HOATZ: variants seen among roughly 807,000 people sequenced by gnomAD.
The protein encoded by HOATZ is HOATZ cilia and flagella associated protein.
HOATZ carries 26 observed loss-of-function variants against 24.9 expected under a neutral mutation model. That is an observed-to-expected ratio of 1.04 (90% CI 0.76 to 1.45). HOATZ has a LOEUF of 1.45. Among genes scored for constraint, HOATZ ranks in the 40% most tolerant of loss-of-function variants. HOATZ has a pLI of 0.00. For missense variants in HOATZ, 226 were observed against 201.5 expected (o/e 1.12, Z -0.74); for synonymous variants, 83 against 76.6 (o/e 1.08, Z -0.43).
At chr11:111,519,351 T>C (rs907948406) in intron 3 of HOATZ, among the ~76,000 whole-genome samples, 1 of 152,146 alleles carries the variant, frequency 6.6e-6, no homozygotes, top group Non-Finnish European at 1.5e-5. Flanking sequence ...AAAGAGTAAA[T>C]GAAGGCCCTA....
chr11:111,524,048 T>A (rs1427125216), intron 3 of HOATZ, among the ~76,000 whole-genome samples: 1 of 152,214 alleles, frequency 6.6e-6, no homozygotes, highest in Non-Finnish European at 1.5e-5. Flanking sequence ...ATAGGTGATC[T>A]CCTGACATAC....
Position 111,514,861 on chromosome 11 carries a change from T to C in HOATZ, c.77T>C (p.Phe26Ser), listed in dbSNP as rs1192554459. The change falls in exon 1 of 6, where the codon TTT becomes TCT. Residue 26 changes from phenylalanine to serine, a missense_variant. By Grantham distance (155) the Phe-to-Ser change is radical (BLOSUM62 -2). Coordinates refer to ENST00000375618, the MANE Select transcript of HOATZ (RefSeq NM_001100388.2). ...QEMCPPGLLVFAGSSEQDANL... is the reference protein window; with the variant it reads ...QEMCPPGLLVSAGSSEQDANL... Reference sequence around the variant, plus strand: ...ATGTGCCCCCCGGGATTACTGGTATTTGCTGGCTCCTCGGAACAAGATGCC... The same window carrying C: ...ATGTGCCCCCCGGGATTACTGGTATCTGCTGGCTCCTCGGAACAAGATGCC... 6.2e-7 allele frequency: 1 copy of C among 1,614,072 alleles called. No individual in the cohort carries two copies. Among genetic ancestry groups the C allele is most frequent in the South Asian group, 1.1e-5 (1 of 91,078 alleles).
At chr11:111,518,374 A>T (rs1867231550) in intron 3 of HOATZ, among the ~76,000 whole-genome samples, 1 of 152,206 alleles carries the variant, frequency 6.6e-6, no homozygotes, top group South Asian at 2.1e-4. Flanking sequence ...GAAATAACTG[A>T]ATTGTCTTAT....
At chr11:111,521,933 G>T (rs1253368836) in intron 3 of HOATZ, among the ~76,000 whole-genome samples, 1 of 151,996 alleles carries the variant, frequency 6.6e-6, no homozygotes, top group Non-Finnish European at 1.5e-5. Flanking sequence ...ATGAGATTTG[G>T]GATCAAATAG....
intron 5 of HOATZ, chr11:111,535,370 A>G (rs1363182948): frequency 2.0e-5 from 3 of 152,246 alleles, no homozygotes; most frequent in Non-Finnish European, 4.4e-5. Context: ...AGCCCAATCA[A>G]GAGTGACTTA....
chr11:111,534,180 A>G (rs1279055476), intron 4 of HOATZ, among the ~76,000 whole-genome samples: 1 of 152,226 alleles, frequency 6.6e-6, no homozygotes, highest in Non-Finnish European at 1.5e-5. Flanking sequence ...CCTAATAAAA[A>G]TAGTAATAGT....
chr11:111,529,786 T>TA (rs1867376776), intron 3 of HOATZ, among the ~76,000 whole-genome samples: 1 of 152,216 alleles, frequency 6.6e-6, no homozygotes, highest in Admixed American at 6.5e-5. Flanking sequence ...GTCTAGTGTT[T>TA]ATTAAGAGCT....
intron 3 of HOATZ, among the ~76,000 whole-genome samples, chr11:111,523,805 A>G (rs1489184884): frequency 6.6e-6 from 1 of 152,198 alleles, no homozygotes; most frequent in Non-Finnish European, 1.5e-5. Context: ...TAATAACTAC[A>G]TTTAGCTGTT....
At chr11:111,533,046 T>C (rs977501516) in intron 3 of HOATZ, among the ~76,000 whole-genome samples, 1 of 152,194 alleles carries the variant, frequency 6.6e-6, no homozygotes, top group Non-Finnish European at 1.5e-5. Flanking sequence ...ACTAAGTTAG[T>C]TTTTTGCACT....
At chr11:111,516,544 TA>T (rs558009028) in intron 3 of HOATZ, among the ~76,000 whole-genome samples, 1,474 of 146,968 alleles carry the variant, frequency 0.01, 14 homozygotes, top group Middle Eastern at 0.021. Flanking sequence ...CCTCTAACTC[TA>T]CAAAAAAAAA....
intron 3 of HOATZ, 148 bp from the exon 4 acceptor site, chr11:111,533,598 G>T (rs922542354): frequency 2.0e-5 from 10 of 504,476 alleles, no homozygotes; most frequent in Admixed American, 3.8e-5. Context: ...ACAGGATTTT[G>T]GCACAAACAA....
chr11:111,529,664 C>T (rs564432367), intron 3 of HOATZ, among the ~76,000 whole-genome samples: 59 of 152,138 alleles, frequency 3.9e-4, no homozygotes, highest in African/African-American at 1.3e-3. Flanking sequence ...CCCGGCCCCT[C>T]GTGTTATTTT....
chr11:111,520,037 G>T (rs503905), intron 3 of HOATZ, among the ~76,000 whole-genome samples: 2 of 151,928 alleles, frequency 1.3e-5, no homozygotes, highest in East Asian at 3.8e-4. Context: ...TTCTGTGATG[G>T]ATATCCATGG....
In HOATZ at chr11:111,533,804, C is replaced by T. The variant is rs200623359; in HGVS notation, c.398C>T (p.Ser133Leu). The change falls in exon 4 of 6, where the codon TCG becomes TTG. Residue 133 changes from serine (S) to leucine (L), a missense_variant and splice_region_variant. By Grantham distance (145) the Ser-to-Leu change is moderately radical. Transcript: ENST00000375618. ...LLRKQREERI[S>L]KELISLPYKP... ...AGAAAACAAAGAGAAGAAAGGATCT[C>T]GGTGAGACCAATAGTGAGGCATTTG... 1.1e-4 allele frequency: 174 copies of T among 1,565,798 alleles called. 1 individual carries two copies. The East Asian group carries it at 2.9e-3, about 26-fold the overall frequency.
At chr11:111,523,928 C>T (rs896505071) in intron 3 of HOATZ, among the ~76,000 whole-genome samples, 2 of 152,196 alleles carry the variant, frequency 1.3e-5, no homozygotes, top group Non-Finnish European at 2.9e-5. Flanking sequence ...CTGTCATCAT[C>T]CTTGAAATAC....
Position 111,514,850 on chromosome 11 carries a change from A to T in HOATZ, c.66A>T (p.Gly22=). ...RKESQEMCPP[G]LLVFAGSSEQ... is the part of the protein sequence containing the mutation. ...AGTCCCAGGAAATGTGCCCCCCGGG[A>T]TTACTGGTATTTGCTGGCTCCTCGG... The change falls in exon 1 of 6, where the codon GGA becomes GGT. Residue 22 remains glycine, a synonymous_variant. Coordinates refer to ENST00000375618, the MANE Select transcript of HOATZ (RefSeq NM_001100388.2). 6.2e-7 allele frequency: 1 copy of T among 1,614,052 alleles called. No homozygotes were observed. Among genetic ancestry groups the T allele is most frequent in the Non-Finnish European group, 8.5e-7 (1 of 1,179,992 alleles).
chr11:111,534,188 A>T (rs1228535400), intron 4 of HOATZ, among the ~76,000 whole-genome samples: 1 of 152,222 alleles, frequency 6.6e-6, no homozygotes, highest in Non-Finnish European at 1.5e-5. Context: ...AAATAGTAAT[A>T]GTATCATGTA....
intron 3 of HOATZ, among the ~76,000 whole-genome samples, chr11:111,520,804 A>C (rs907321029): frequency 1.3e-5 from 2 of 152,236 alleles, no homozygotes; most frequent in Admixed American, 1.3e-4. Context: ...TCCATGCTGT[A>C]GACACTACAT....
chr11:111,522,018 G>A (rs1005952723), intron 3 of HOATZ, among the ~76,000 whole-genome samples: 2 of 152,144 alleles, frequency 1.3e-5, no homozygotes, highest in Admixed American at 1.3e-4. Flanking sequence ...AAAAAATGCT[G>A]AATTCATTTG....
Sources: gnomAD v4.1 joint callset for allele counts (sites outside exome capture counted in the v4.1 genomes callset) on GRCh38, gnomAD v4.1.1 for gene constraint, MANE v1.5 for transcripts, NCBI Gene and HGNC (gene_info 2026-07-23, HGNC 2026-07-21) for gene names.